JAK3: variants seen among roughly 807,000 people sequenced by gnomAD.
The protein encoded by JAK3 is tyrosine-protein kinase JAK3.
Under a neutral mutation model 120.8 loss-of-function variants are expected in JAK3, and 88 were observed. The ratio of observed to expected loss-of-function variants is 0.73; its 90% CI spans 0.61 to 0.87. The LOEUF (loss-of-function observed/expected upper bound fraction) is 0.87. Ranked by LOEUF, JAK3 falls within the 40% of genes least tolerant of loss-of-function variation. The probability of loss-of-function intolerance (pLI) is 0.00; values close to 1 mark genes in which losing one functional copy is unlikely to be tolerated. For synonymous variants in JAK3, 592 were observed against 628.6 expected (o/e 0.94, Z 0.87); for missense variants, 1,254 against 1,501.4 (o/e 0.84, Z 2.72).
intron 12 of JAK3, among the ~76,000 whole-genome samples, 190 bp downstream of exon 12, chr19:17,837,742 C>G (rs998926519): frequency 6.6e-6 from 1 of 151,508 alleles, no homozygotes; most frequent in Admixed American, 6.6e-5. Context: ...GACGAGGTCT[C>G]GCTATGTTGC....
chr19:17,846,222 G>A (rs1006395232), intron 1 of JAK3, among the ~76,000 whole-genome samples: 9 of 152,198 alleles, frequency 5.9e-5, no homozygotes, highest in African/African-American at 1.2e-4. Context: ...GGTCTGCTGA[G>A]CGCAATCCAG....
In JAK3 at chr19:17,844,279, C is replaced by A. The variant is rs2094246893; in HGVS notation, c.139G>T (p.Asp47Tyr). ...ACGCACAGGTCCTCAGCCAAGTGGT[C>A]CCCAAAGGAGAAAGATAGGCGCTGG... ...PPQRLSFSFG[D>Y]HLAEDLCVQA... Residue 47 changes from aspartate (D) to tyrosine (Y), a missense_variant, in exon 2 of 24, where the codon GAC becomes TAC. Around this residue, in one of 3 missense-constraint regions of JAK3, gnomAD observed 138 missense variants for 178.7 expected, o/e 0.77. Coordinates refer to ENST00000458235, the MANE Select transcript of JAK3 (RefSeq NM_000215.4). 6.2e-7 allele frequency: 1 copy of A among 1,605,726 alleles called. No homozygotes were observed. Among genetic ancestry groups the A allele is most frequent in the Non-Finnish European group, 8.5e-7 (1 of 1,177,076 alleles).
chr19:17,832,650 G>A lies in JAK3; in HGVS notation c.2549C>T (p.Ala850Val), dbSNP rs199973041. 1.8e-5 allele frequency: 29 copies of A among 1,614,102 alleles called. No homozygotes were observed. Among genetic ancestry groups the A allele is most frequent in the Non-Finnish European group, 2.5e-5 (29 of 1,180,054 alleles). ...CTGCAGCTGTTTCACGGCCACCAGG[G>A]CACCTGTATTGTCGCCTAGCGGGTC... ...RYDPLGDNTG[A>V]LVAVKQLQHS... Residue 850 changes from alanine to valine, a missense_variant, in exon 19 of 24, where the codon GCC becomes GTC. This residue lies in a region of JAK3 where 630 missense variants were observed against 819.8 expected (regional missense o/e 0.77). Transcript: ENST00000458235. This position sits in a 1 kb window ranked among gnomAD's most constrained non-coding sequence, Gnocchi z 4.7.
Position 17,842,394 on chromosome 19 carries a change from G to A in JAK3, c.783C>T (p.Ala261=), listed in dbSNP as rs1340529788. Residue 261 remains alanine (A), a synonymous_variant, in exon 6 of 24, where the codon GCC becomes GCT. Transcript: ENST00000458235. This position sits in a 1 kb window ranked among gnomAD's most constrained non-coding sequence, Gnocchi z 6.4. ...AETFHVGLPG[A]LGGHDGLGLL... is the part of the protein sequence containing the mutation. The stretch of plus-strand genomic sequence containing the variant: ...GCCCCAGCCCGTCGTGGCCACCAAG[G>A]GCCCCAGGGAGGCCCACGTGGAAGG... 5 of 1,584,248 alleles carry A rather than the reference G, an allele frequency of 3.2e-6. No homozygotes were observed. In the Admixed American group the frequency reaches 8.8e-5, roughly 28 times the overall value.
intron 12 of JAK3, 105 bp downstream of exon 12, chr19:17,837,827 T>G: frequency 6.6e-7 from 1 of 1,526,084 alleles, no homozygotes; most frequent in Non-Finnish European, 9.0e-7. Flanking sequence ...ATGACAGGCA[T>G]GAGCCACCAC....
rs1599865535 is a variant in JAK3 at position 17,829,818 on chromosome 19, G to T, written c.3207+290C>A. On this transcript the variant is annotated intron_variant, in intron 23 of 23. Transcript: ENST00000458235. ...CACCACCATTTATGGAGCATCGACT[G>T]TGTGCTCGGCTTTGAGCTGAGCCCT... 7 of 524,780 alleles carry T rather than the reference G, an allele frequency of 1.3e-5. No individual in the cohort carries two copies. The East Asian group carries it at 2.0e-4, about 15-fold the overall frequency. The allele number at this position is 524,780 out of a possible 1,614,324, so 32.5% of individuals were successfully genotyped here.
At position 17,841,855 on chromosome 19, in the gene JAK3, C is replaced by T; in HGVS notation, c.862-93G>A. 1 of 1,562,164 alleles carries T rather than the reference C, an allele frequency of 6.4e-7. No individual in the cohort carries two copies. Among genetic ancestry groups the T allele is most frequent in the South Asian group, 1.1e-5 (1 of 89,030 alleles). ...ACCCCCAAGCCACACCATCCACTCC[C>T]TATCCCTTTGCCATTCAACCCTTCC... On this transcript the variant is annotated intron_variant, in intron 6 of 23. Coordinates refer to ENST00000458235, the MANE Select transcript of JAK3 (RefSeq NM_000215.4). This position sits in a 1 kb window ranked among gnomAD's most constrained non-coding sequence, Gnocchi z 4.1.
rs374287586 is a variant in JAK3, at chr19:17,844,044, C to T, written c.185-144G>A. On this transcript the variant is annotated intron_variant, in intron 2 of 23. Coordinates refer to ENST00000458235, the MANE Select transcript of JAK3 (RefSeq NM_000215.4). ...CCCTTCATGTGCCGTCACACCTCTC[C>T]GTCTGCACAGGCCATTCCCTCTGCC... The T allele has an allele frequency of 4.6e-5, 56 of 1,219,586 alleles. 1 individual carries two copies. Among genetic ancestry groups the T allele is most frequent in the African/African-American group, 6.2e-5 (4 of 64,880 alleles). 75.5% of individuals were successfully genotyped at this position (1,219,586 alleles called of 1,614,324 possible).
chr19:17,828,380 C>G (rs1228520859), intron 23 of JAK3, among the ~76,000 whole-genome samples: 2 of 152,156 alleles, frequency 1.3e-5, no homozygotes, highest in East Asian at 3.9e-4. Flanking sequence ...CTCAGCCTCC[C>G]TGGTAGCTGA....
chr19:17,839,731 T>C, intron 9 of JAK3, 68 bp from the exon 10 acceptor site: 1 of 1,277,736 alleles, frequency 7.8e-7, no homozygotes, highest in Non-Finnish European at 1.1e-6. Flanking sequence ...CCTTCTTCCT[T>C]TTTTTTCTTT....
chr19:17,847,884 C>T (rs1038511609), intron 1 of JAK3, 62 bp downstream of exon 1: 26 of 843,438 alleles, frequency 3.1e-5, no homozygotes, highest in Non-Finnish European at 3.3e-5. Flanking sequence ...CCCAGCCATC[C>T]CCCGCCACCA....
intron 9 of JAK3, 46 bp downstream of exon 9, chr19:17,840,184 C>T: frequency 7.7e-7 from 1 of 1,294,174 alleles, no homozygotes; most frequent in Non-Finnish European, 1.1e-6. Context: ...TCAAACGTCA[C>T]CTCCTCCAGG....
At position 17,841,375 on chromosome 19, in the gene JAK3, G is replaced by A. The variant is rs1048661016; in HGVS notation, c.1142+14C>T. 1.2e-5 allele frequency: 19 copies of A among 1,545,048 alleles called. No individual in the cohort carries two copies. The highest frequency in any genetic ancestry group is 1.7e-5 in the Non-Finnish European group (19 of 1,147,352). ...AGTGGCCACAGAGGCCGGGAATGGG[G>A]GACAGGTCCTTACGTGATGGGGCCG... On this transcript the variant is annotated intron_variant, in intron 8 of 23. Transcript: ENST00000458235. This position sits in a 1 kb window ranked among gnomAD's most constrained non-coding sequence, Gnocchi z 4.1.
At chr19:17,840,379 A>G in intron 8 of JAK3, 38 bp from the exon 9 acceptor site, 1 of 1,367,554 alleles carries the variant, frequency 7.3e-7, no homozygotes, top group Non-Finnish European at 1.0e-6. Flanking sequence ...GAGGAGTCAG[A>G]GATAGAAGAA....
In JAK3 at chr19:17,841,655, T is replaced by C; in HGVS notation, c.969A>G (p.Thr323=). 6 of 1,613,992 alleles carry C rather than the reference T, an allele frequency of 3.7e-6. No homozygotes were observed. Among genetic ancestry groups the C allele is most frequent in the Non-Finnish European group, 5.1e-6 (6 of 1,179,956 alleles). ...GEHRLVTVTR[T]DNQILEAEFP... ...CTGCACCCACTAAAATCTGGTTGTC[T>C]GTCCTGGTAACAGTGACCAGGCGGT... Residue 323 remains threonine, a synonymous_variant, in exon 7 of 24, where the codon ACA becomes ACG. Transcript: ENST00000458235. This position sits in a 1 kb window ranked among gnomAD's most constrained non-coding sequence, Gnocchi z 4.1.
Position 17,844,369 on chromosome 19 carries a change from T to C in JAK3, c.49A>G (p.Ser17Gly), listed in dbSNP as rs1568408440. The C allele has an allele frequency of 6.2e-7, 1 of 1,612,416 alleles. No individual in the cohort carries two copies. The highest frequency in any genetic ancestry group is 8.5e-7 in the Non-Finnish European group (1 of 1,179,784). ...ETPLIPQRSC[S>G]LLSTEAGALH... is the part of the protein sequence containing the mutation. ...GCACCAGCCTCCGTGGACAAGAGGC[T>C]GCATGAACGCTGAGGGATCAGGGGC... The change falls in exon 2 of 24, where the codon AGC becomes GGC. Residue 17 changes from serine to glycine, a missense_variant. By Grantham distance (56) the Ser-to-Gly change is moderately conservative. Around this residue, in one of 3 missense-constraint regions of JAK3, gnomAD observed 138 missense variants for 178.7 expected, o/e 0.77. Coordinates refer to ENST00000458235, the MANE Select transcript of JAK3 (RefSeq NM_000215.4).
intron 16 of JAK3, 38 bp from the exon 17 acceptor site, chr19:17,834,759 A>C (rs770546263): frequency 1.9e-6 from 3 of 1,613,912 alleles, no homozygotes; most frequent in Non-Finnish European, 1.7e-6. Context: ...CCCCAACCCA[A>C]TAGACCCACC....
In JAK3 at chr19:17,837,929, C is replaced by A. The variant is rs773394536; in HGVS notation, c.1701+3G>T. 6.2e-7 allele frequency: 1 copy of A among 1,614,040 alleles called. No homozygotes were observed. The highest frequency in any genetic ancestry group is 1.7e-5 in the Admixed American group (1 of 59,996). ...CCAAAAGTCTGGTCCACATTGCTCT[C>A]ACCTCCATGCAGTTCTTGTGCTTGG... On this transcript the variant is annotated splice_donor_region_variant and intron_variant, in intron 12 of 23. Transcript: ENST00000458235.
In JAK3 at chr19:17,842,348, C is replaced by A. The variant is rs1263464270; in HGVS notation, c.829G>T (p.Gly277Cys). 6 of 1,589,916 alleles carry A rather than the reference C, an allele frequency of 3.8e-6. No individual in the cohort carries two copies. The highest frequency in any genetic ancestry group is 5.1e-6 in the Non-Finnish European group (6 of 1,173,302). ...GLGLLRVAGD[G>C]GIAWTQGEQE... ...TCTCCCTGGGTCCAGGCGATGCCGCCGTCACCAGCCACGCGGAGCAGCCCC... is the reference window on the plus strand; with the variant it reads ...TCTCCCTGGGTCCAGGCGATGCCGCAGTCACCAGCCACGCGGAGCAGCCCC... The change falls in exon 6 of 24, where the codon GGC (glycine) becomes TGC (cysteine). Residue 277 changes from glycine to cysteine, a missense_variant. Gly to Cys is a radical substitution (Grantham distance 159). Coordinates refer to ENST00000458235, the MANE Select transcript of JAK3 (RefSeq NM_000215.4). This position sits in a 1 kb window ranked among gnomAD's most constrained non-coding sequence, Gnocchi z 6.4.
Sources: gnomAD v4.1 joint callset for allele counts (sites outside exome capture counted in the v4.1 genomes callset) on GRCh38, gnomAD v4.1.1 for gene constraint, gnomAD v4.1.1 regional missense constraint, Gnocchi (gnomAD v3.1) non-coding constraint, MANE v1.5 for transcripts, NCBI Gene and HGNC (gene_info 2026-07-23, HGNC 2026-07-21) for gene names.